Variants in ADGRG4 observed in about 807,000 individuals in gnomAD.
ADGRG4 encodes the protein G protein-coupled receptor 112.
A neutral mutation model predicts 126.2 loss-of-function variants in ADGRG4; 122 were observed. The observed-to-expected ratio is 0.97, with a 90% CI of 0.83 to 1.12. The LOEUF (loss-of-function observed/expected upper bound fraction) is 1.12. ADGRG4 is among the 50% of genes most tolerant of loss of function. ADGRG4 has a pLI of 0.00. For missense variants in ADGRG4, 2,481 were observed against 2,251.8 expected, an observed-to-expected ratio of 1.10 and a Z score of -2.06; for synonymous variants, 943 against 838.7, an observed-to-expected ratio of 1.12 and a Z score of -2.15.
chrX:136,371,250 CTT>C (rs1344544259), intron 13 of ADGRG4, 76 bp from the exon 14 acceptor site: 1 of 660,841 alleles, frequency 1.5e-6, no homozygotes, highest in Non-Finnish European at 2.2e-6. Context: ...CCTCTTTACT[CTT>C]TAAAGGGAAA....
chrX:136,396,594 CAAAAA>C (rs771100359), intron 19 of ADGRG4, among the ~76,000 whole-genome samples: 1 of 57,394 alleles, frequency 1.7e-5, no homozygotes, highest in Non-Finnish European at 3.6e-5. Flanking sequence ...GAACCTGTCC[CAAAAA>C]AAAAAAAAAA....
At chrX:136,339,362 A>G (rs1203162742) in intron 5 of ADGRG4, among the ~76,000 whole-genome samples, 2 of 111,863 alleles carry the variant, frequency 1.8e-5, no homozygotes. Flanking sequence ...CAAAAACAAT[A>G]GTCTTCCCAG....
At chrX:136,337,771 G>T (rs972846433) in intron 5 of ADGRG4, among the ~76,000 whole-genome samples, 2 of 112,010 alleles carry the variant, frequency 1.8e-5, no homozygotes, top group African/African-American at 6.5e-5. Context: ...GATGTGCCTT[G>T]CCACAGATTT....
chrX:136,355,994 T>C (rs1228977840), intron 8 of ADGRG4, 132 bp from the exon 9 acceptor site: 1 of 380,586 alleles, frequency 2.6e-6, no homozygotes, highest in East Asian at 4.2e-5. Flanking sequence ...TCTGGAGCCC[T>C]AGCATTATTT....
chrX:136,348,004 A>G lies in ADGRG4; in HGVS notation c.4298A>G (p.Asn1433Ser), dbSNP rs2075031116. ...AGGATATCAAATCCTATGGACATCA[A>G]TACAACTTTTTCACACTTGCATTCA... ...STRISNPMDI[N>S]TTFSHLHSLR... The change falls in exon 6 of 26, where the codon AAT becomes AGT. Residue 1433 changes from asparagine (N) to serine (S), a missense_variant. Transcript: ENST00000394143. 3 of 1,211,162 alleles carry G rather than the reference A, an allele frequency of 2.5e-6. No homozygotes were observed. Among genetic ancestry groups the G allele is most frequent in the Non-Finnish European group, 2.2e-6 (2 of 894,971 alleles).
At chrX:136,359,501 T>G (rs1370044588) in intron 11 of ADGRG4, 46 bp downstream of exon 11, 1 of 988,504 alleles carries the variant, frequency 1.0e-6, no homozygotes, top group Non-Finnish European at 1.4e-6. Flanking sequence ...CTTACTTCCT[T>G]TATTATAAAA....
Position 136,416,475 on chromosome X carries a change from A to G in ADGRG4, c.9227A>G (p.Tyr3076Cys). ...GCAGATGACTTTGACAAAGATCCTT[A>G]CTGTTCCTCTCCTTGATTTGTGAAG... ...FPNDDFDKDP[Y>C]CSSP The change falls in exon 26 of 26, where the codon TAC (tyrosine) becomes TGC (cysteine). Residue 3076 changes from tyrosine to cysteine, a missense_variant. Physicochemically the swap from Tyr to Cys is radical, Grantham distance 194. Coordinates refer to ENST00000394143, the MANE Select transcript of ADGRG4 (RefSeq NM_153834.4). The G allele has an allele frequency of 3.3e-6, 4 of 1,199,058 alleles. No homozygotes were observed. Among genetic ancestry groups the G allele is most frequent in the Non-Finnish European group, 4.5e-6 (4 of 886,372 alleles).
intron 13 of ADGRG4, 37 bp from the exon 14 acceptor site, chrX:136,371,291 G>C: frequency 1.0e-6 from 1 of 986,565 alleles, no homozygotes; most frequent in Non-Finnish European, 1.4e-6. Flanking sequence ...AGAAGACTAA[G>C]TCATGCAGCT....
chrX:136,397,491 CT>C (rs1184936316), intron 19 of ADGRG4, among the ~76,000 whole-genome samples: 1,678 of 50,462 alleles, frequency 0.033, 24 homozygotes, highest in African/African-American at 0.083. Context: ...AGGAAAAGGA[CT>C]TTTTTTTTTT....
intron 20 of ADGRG4, among the ~76,000 whole-genome samples, 195 bp from the exon 21 acceptor site, chrX:136,399,653 T>C (rs2075369067): frequency 9.0e-6 from 1 of 110,679 alleles, no homozygotes; most frequent in South Asian, 3.9e-4. Flanking sequence ...GAGACTATTA[T>C]TATTTCTGTT....
At position 136,367,967 on chromosome X, in the gene ADGRG4, A is replaced by G. The variant is rs190237838; in HGVS notation, c.7397-3361A>G. Among the ~76,000 whole-genome samples the G allele has an allele frequency of 9.9e-4, 111 of 112,018 alleles. 1 individual carries two copies. The highest frequency in any genetic ancestry group is 2.3e-4 in the Non-Finnish European group (12 of 53,222). Reference sequence around the variant, plus strand: ...TTAAAGATGCATCAGGCTCTAGTGAAGTTGACTAGAACTTTTCAGAAAACT... The same window carrying G: ...TTAAAGATGCATCAGGCTCTAGTGAGGTTGACTAGAACTTTTCAGAAAACT... On this transcript the variant is annotated intron_variant, in intron 13 of 25. Transcript: ENST00000394143.
intron 13 of ADGRG4, 38 bp downstream of exon 13, chrX:136,363,633 C>A: frequency 2.2e-6 from 2 of 896,882 alleles, no homozygotes; most frequent in Non-Finnish European, 3.3e-6. Flanking sequence ...AATTATGGAA[C>A]TTCAATTACT....
intron 5 of ADGRG4, among the ~76,000 whole-genome samples, chrX:136,342,794 C>A (rs1490674436): frequency 9.3e-6 from 1 of 107,991 alleles, no homozygotes; most frequent in African/African-American, 3.4e-5. Context: ...AGAGAGGGAC[C>A]AAATCATGCA....
rs142447204 is a variant in ADGRG4 at position 136,405,735 on chromosome X, G to T, written c.8698G>T (p.Ala2900Ser). 2,056 of 1,183,053 alleles carry T rather than the reference G, an allele frequency of 1.7e-3. 27 individuals carry two copies. The African/African-American group carries it at 0.03, about 17-fold the overall frequency. The change falls in exon 23 of 26, where the codon GCT (alanine) becomes TCT (serine). Residue 2900 changes from alanine (A) to serine (S), a missense_variant. Physicochemically the swap from Ala to Ser is moderately conservative, Grantham distance 99. Transcript: ENST00000394143. ...DDSIFYISVVAYFCLIFLMNL... is the reference protein window; with the variant it reads ...DDSIFYISVVSYFCLIFLMNL... Reference sequence around the variant, plus strand: ...TTCTATCTTTTACATCTCAGTGGTGGCTTATTTTTGCCTCATATTTCTCAT... The same window carrying T: ...TTCTATCTTTTACATCTCAGTGGTGTCTTATTTTTGCCTCATATTTCTCAT...
At chrX:136,330,742 T>C (rs1363103943) in intron 5 of ADGRG4, among the ~76,000 whole-genome samples, 1 of 111,675 alleles carries the variant, frequency 9.0e-6, no homozygotes, top group Non-Finnish European at 1.9e-5. Flanking sequence ...ATTTGTGTAG[T>C]ATATGAGATG....
At chrX:136,399,328 A>T (rs2075367356) in intron 20 of ADGRG4, among the ~76,000 whole-genome samples, 1 of 112,788 alleles carries the variant, frequency 8.9e-6, no homozygotes, top group African/African-American at 3.2e-5. Flanking sequence ...TAAATATTTA[A>T]TAACAGCGTA....
At position 136,405,984 on chromosome X, in the gene ADGRG4, T is replaced by C. The variant is rs1171232443; in HGVS notation, c.8935+12T>C. 8.9e-7 allele frequency: 1 copy of C among 1,127,788 alleles called. No homozygotes were observed. Among genetic ancestry groups the C allele is most frequent in the Non-Finnish European group, 1.2e-6 (1 of 853,349 alleles). The allele number at this position is 1,127,788 out of a possible 1,213,427, so 92.9% of individuals were successfully genotyped here. On this transcript the variant is annotated intron_variant, in intron 23 of 25. Transcript: ENST00000394143. ...TAACACTTTGCAAGGTAACTGGTGC[T>C]TTTTTGCCTTTTCTGTGGCCAGCTA... is the stretch of plus-strand genomic sequence containing the variant.
At chrX:136,358,106 C>T (rs1332095737) in intron 10 of ADGRG4, among the ~76,000 whole-genome samples, 1 of 111,555 alleles carries the variant, frequency 9.0e-6, no homozygotes, top group African/African-American at 3.3e-5. Context: ...AGCTTCGGTT[C>T]TGTTCAGACT....
chrX:136,321,477 T>A (rs903577186), intron 4 of ADGRG4, among the ~76,000 whole-genome samples: 5 of 112,096 alleles, frequency 4.5e-5, no homozygotes, highest in Non-Finnish European at 9.4e-5. Context: ...AAGTATTTAC[T>A]TCCTGCTAGC....
Sources: allele counts gnomAD v4.1 joint callset (sites outside exome capture counted in the v4.1 genomes callset), GRCh38; gene constraint gnomAD v4.1.1; transcripts MANE v1.5; gene names NCBI Gene and HGNC (gene_info 2026-07-23, HGNC 2026-07-21).